Variants in METTL15 observed in about 807,000 individuals in gnomAD.
METTL15 encodes the protein methyltransferase 15, mitochondrial 12S rRNA N4-cytidine, also known as 12S rRNA N(4)-cytidine methyltransferase METTL15.
In METTL15, 34 loss-of-function variants were observed where a neutral mutation model predicts 38.3. That is an observed-to-expected ratio of 0.89 (90% CI 0.68 to 1.18). The LOEUF (loss-of-function observed/expected upper bound fraction) is 1.18. Among genes scored for constraint, METTL15 ranks in the 50% most tolerant of loss-of-function variants. METTL15 has a pLI of 0.00. For missense variants in METTL15, 438 were observed against 498.4 expected (o/e 0.88, Z 1.15); for synonymous variants, 162 against 170.9 (o/e 0.95, Z 0.41).
At chr11:28,301,261 T>C (rs983874082) in intron 6 of METTL15, among the ~76,000 whole-genome samples, 1 of 152,090 alleles carries the variant, frequency 6.6e-6, no homozygotes, top group African/African-American at 2.4e-5. Flanking sequence ...TTGACCTTCC[T>C]CTTCTCTCAT....
chr11:28,378,296 G>C (rs1850342219), intron 5 of METTL15, among the ~76,000 whole-genome samples: 1 of 152,218 alleles, frequency 6.6e-6, no homozygotes, highest in Admixed American at 6.5e-5. Context: ...TGCTGTGCTA[G>C]CAATCAGCGA....
chr11:28,492,699 T>C (rs2133483080), intron 6 of METTL15, among the ~76,000 whole-genome samples: 1 of 152,286 alleles, frequency 6.6e-6, no homozygotes, highest in South Asian at 2.1e-4. Flanking sequence ...TGAGTGCATT[T>C]ACAGCGTTTG....
intron 3 of METTL15, among the ~76,000 whole-genome samples, chr11:28,171,252 C>T (rs779867413): frequency 5.9e-5 from 9 of 152,018 alleles, no homozygotes; most frequent in Admixed American, 5.9e-4. Context: ...AAGTGTCATG[C>T]GGAGAACACT....
intron 5 of METTL15, among the ~76,000 whole-genome samples, chr11:28,419,862 A>G (rs959850033): frequency 6.6e-6 from 1 of 152,202 alleles, no homozygotes; most frequent in African/African-American, 2.4e-5. Context: ...CAAATTTAAA[A>G]TGCAATTGAC....
chr11:28,176,035 GA>G (rs1054554439), intron 3 of METTL15, among the ~76,000 whole-genome samples: 6 of 152,122 alleles, frequency 3.9e-5, no homozygotes, highest in African/African-American at 1.4e-4. Context: ...AAAGAGGAAA[GA>G]AGACTGAACG....
At position 28,197,428 on chromosome 11, in the gene METTL15, C is replaced by G. The variant is rs764615044; in HGVS notation, c.271-13634C>G. ...TATAATATTATTTATTTATATGACA[C>G]TACTTTTTTCAGATTTTGTTCATGT... On this transcript the variant is annotated intron_variant, in intron 3 of 6. Transcript: ENST00000407364. The G allele has an allele frequency of 8.9e-6, 3 of 336,106 alleles. No homozygotes were observed. The East Asian group carries it at 2.5e-4, about 28-fold the overall frequency. The allele number at this position is 336,106 out of a possible 1,614,324, so 20.8% of individuals were successfully genotyped here.
intron 4 of METTL15, among the ~76,000 whole-genome samples, chr11:28,222,007 C>A (rs1853251718): frequency 1.3e-5 from 2 of 152,272 alleles, no homozygotes; most frequent in African/African-American, 4.8e-5. Flanking sequence ...GTCAGGGACC[C>A]ACTTGAGGAG....
intron 5 of METTL15, among the ~76,000 whole-genome samples, chr11:28,392,762 G>C (rs947079187): frequency 6.6e-6 from 1 of 151,866 alleles, no homozygotes; most frequent in Non-Finnish European, 1.5e-5. Context: ...TGTTTGAAAA[G>C]GGGTCAATAT....
chr11:28,319,167 C>G lies in METTL15; in HGVS notation c.779-11229C>G, dbSNP rs376299024. Among the ~76,000 whole-genome samples the G allele has an allele frequency of 1.3e-3, 197 of 152,226 alleles. 1 individual carries two copies. The highest frequency in any genetic ancestry group is 4.5e-3 in the African/African-American group (188 of 41,534). ...TGATTTGGCTTCCATTAAAACATCT[C>G]TCAGTAAAAGCCTATTCAGGTTTAA... On this transcript the variant is annotated intron_variant, in intron 6 of 6. Transcript: ENST00000407364.
At chr11:28,426,584 G>GTTTTTTTT (rs66959082) in intron 6 of METTL15, among the ~76,000 whole-genome samples, 12 of 82,328 alleles carry the variant, frequency 1.5e-4, no homozygotes, top group African/African-American at 2.1e-4. Flanking sequence ...GCCAGCATCT[G>GTTTTTTTT]TTTTTTTTTT....
intron 6 of METTL15, among the ~76,000 whole-genome samples, chr11:28,473,454 A>G (rs1011521734): frequency 1.3e-5 from 2 of 152,182 alleles, no homozygotes; most frequent in Non-Finnish European, 2.9e-5. Context: ...AGGCATACTT[A>G]TTACATGTCT....
intron 4 of METTL15, among the ~76,000 whole-genome samples, chr11:28,222,953 A>G (rs1007932185): frequency 2.0e-5 from 3 of 152,186 alleles, no homozygotes; most frequent in Admixed American, 6.5e-5. Context: ...AGATGCTCCA[A>G]TTCAGTAGCA....
downstream of METTL15, among the ~76,000 whole-genome samples, chr11:28,335,189 G>C (rs1849889882): frequency 6.6e-6 from 1 of 152,116 alleles, no homozygotes; most frequent in Non-Finnish European, 1.5e-5. Context: ...GTATTATTAA[G>C]CCATCAAATG....
At chr11:28,234,514 G>A (rs940375250) in intron 4 of METTL15, among the ~76,000 whole-genome samples, 1 of 151,004 alleles carries the variant, frequency 6.6e-6, no homozygotes, top group Non-Finnish European at 1.5e-5. Context: ...GTGTGAGATG[G>A]TATCTCATTG....
In METTL15 at chr11:28,441,739, T is replaced by TA. The variant is rs906974137; in HGVS notation, c.*424+17384dup. On this transcript the variant is annotated intron_variant and NMD_transcript_variant, in intron 6 of 7. Transcript: ENST00000532947. ...TAATCTTGCTAAAACATCACTTATT[T>TA]AAAAAAAAAGTGGAAAACCTTCAAT... Among the ~76,000 whole-genome samples the TA allele has an allele frequency of 1.1e-4, 17 of 151,200 alleles. No individual in the cohort carries two copies. The East Asian group carries it at 1.7e-3, about 16-fold the overall frequency.
chr11:28,386,587 AG>A (rs1258091556), intron 5 of METTL15, among the ~76,000 whole-genome samples: 2 of 152,072 alleles, frequency 1.3e-5, no homozygotes, highest in Admixed American at 1.3e-4. Context: ...AAATATTGAC[AG>A]AATTGAAAGG....
At chr11:28,226,094 C>T (rs966652225) in intron 4 of METTL15, among the ~76,000 whole-genome samples, 1 of 151,622 alleles carries the variant, frequency 6.6e-6, no homozygotes, top group African/African-American at 2.4e-5. Flanking sequence ...CTTTTTATTT[C>T]TTCTTCTCTT....
chr11:28,203,613 G>A (rs937168126), intron 3 of METTL15, among the ~76,000 whole-genome samples: 1 of 151,990 alleles, frequency 6.6e-6, no homozygotes, highest in Admixed American at 6.6e-5. Context: ...CCCAACTAGC[G>A]ACCAGGTAAC....
At chr11:28,513,979 C>G (rs1043635622) in intron 6 of METTL15, among the ~76,000 whole-genome samples, 1 of 152,184 alleles carries the variant, frequency 6.6e-6, no homozygotes, top group Non-Finnish European at 1.5e-5. Flanking sequence ...CAGTTTATGG[C>G]CAGATTTTGG....
Sources: gnomAD v4.1 joint callset for allele counts (sites outside exome capture counted in the v4.1 genomes callset) on GRCh38, gnomAD v4.1.1 for gene constraint, MANE v1.5 for transcripts, NCBI Gene and HGNC (gene_info 2026-07-23, HGNC 2026-07-21) for gene names.